BEAN1: variants seen among roughly 807,000 people sequenced by gnomAD.
BEAN1 encodes protein BEAN1.
Under a neutral mutation model 17.7 loss-of-function variants are expected in BEAN1, and 17 were observed. The ratio of observed to expected loss-of-function variants is 0.96; its 90% confidence interval spans 0.66 to 1.44. BEAN1 has a LOEUF of 1.44. Among genes scored for constraint, BEAN1 ranks in the 40% most tolerant of loss-of-function variants. The probability of loss-of-function intolerance (pLI) is 0.00; values close to 1 mark genes in which losing one functional copy is unlikely to be tolerated. For missense variants in BEAN1, 359 were observed against 374.1 expected (o/e 0.96, Z 0.33); for synonymous variants, 142 against 151.8 (o/e 0.94, Z 0.47).
chr16:66,492,795 CCT>C (rs1409904807), intron 4 of BEAN1, among the ~76,000 whole-genome samples: 2 of 152,106 alleles, frequency 1.3e-5, no homozygotes, highest in African/African-American at 4.8e-5. Flanking sequence ...TCAGTGTACC[CCT>C]GATCATGGGC....
chr16:66,450,220 T>C (rs1843709367), intron 2 of BEAN1, among the ~76,000 whole-genome samples: 1 of 152,236 alleles, frequency 6.6e-6, no homozygotes, highest in South Asian at 2.1e-4. Flanking sequence ...GATTGTCTTA[T>C]TACGAGAGCC....
rs764375238 is a variant in BEAN1 at position 66,455,449 on chromosome 16, C to T, written c.26-14153C>T. On this transcript the variant is annotated intron_variant, in intron 2 of 4. Coordinates refer to ENST00000536005, the MANE Select transcript of BEAN1 (RefSeq NM_001178020.3). The stretch of plus-strand genomic sequence containing the variant: ...CAGAGAGCCAAAGAAGGAATGATTT[C>T]CTTTCCTTTTGAAGTTGAGCTACAG... Among the ~76,000 whole-genome samples, 17 of 152,194 alleles carry T rather than the reference C, an allele frequency of 1.1e-4. 1 individual carries two copies. The highest frequency in any genetic ancestry group is 1.9e-4 in the Non-Finnish European group (13 of 68,036).
intron 2 of BEAN1, among the ~76,000 whole-genome samples, chr16:66,458,339 C>T (rs1348883480): frequency 6.6e-6 from 1 of 152,130 alleles, no homozygotes; most frequent in East Asian, 1.9e-4. Flanking sequence ...CTTAATGTTC[C>T]CCAGGTTCCC....
chr16:66,477,401 G>A (rs1045150144), intron 3 of BEAN1, among the ~76,000 whole-genome samples, 159 bp from the exon 4 acceptor site: 1 of 152,194 alleles, frequency 6.6e-6, no homozygotes, highest in African/African-American at 2.4e-5. Context: ...CCCACATTCT[G>A]GAGCTGTCAC....
At chr16:66,437,522 G>T in intron 1 of BEAN1, 73 bp from the exon 2 acceptor site, 1 of 857,864 alleles carries the variant, frequency 1.2e-6, no homozygotes. Flanking sequence ...CTCAGGAGAT[G>T]TGAGCGCCCA....
At chr16:66,486,465 G>A (rs1964090727), downstream of BEAN1, among the ~76,000 whole-genome samples, 1 of 152,160 alleles carries the variant, frequency 6.6e-6, no homozygotes, top group South Asian at 2.1e-4. Flanking sequence ...ATGTTGGCCA[G>A]GCTGGTCTTG....
chr16:66,447,799 C>G (rs565996737), intron 2 of BEAN1, among the ~76,000 whole-genome samples: 1 of 152,342 alleles, frequency 6.6e-6, no homozygotes, highest in East Asian at 1.9e-4. Flanking sequence ...CCCTAACTGT[C>G]TCACACTACA....
At chr16:66,474,591 AGGGAGGGAGGGAGAG>A in intron 3 of BEAN1, among the ~76,000 whole-genome samples, 3 of 14,730 alleles carry the variant, frequency 2.0e-4, no homozygotes, top group African/African-American at 9.9e-4. Context: ...AGAGGGAGGG[AGGGAGGGAGGGAGAG>A]AGGGAGGGAG....
chr16:66,453,264 A>G (rs1205602925), intron 2 of BEAN1, among the ~76,000 whole-genome samples: 1 of 152,018 alleles, frequency 6.6e-6, no homozygotes, highest in Non-Finnish European at 1.5e-5. Flanking sequence ...ATTTAAAGCT[A>G]TGAATTTCCC....
chr16:66,493,374 T>C (rs763515994), exon 5 of BEAN1: 3 of 655,930 alleles, frequency 4.6e-6, no homozygotes, highest in Non-Finnish European at 5.5e-6. Flanking sequence ...TCTCTGCCCA[T>C]GGCTCTGAGC....
chr16:66,447,111 A>G (rs757033094), intron 2 of BEAN1, among the ~76,000 whole-genome samples: 64 of 152,128 alleles, frequency 4.2e-4, no homozygotes, highest in Non-Finnish European at 7.1e-4. Flanking sequence ...CTCTACAAAA[A>G]ATTTAAAGAT....
At chr16:66,461,735 C>T (rs1963095117) in intron 2 of BEAN1, among the ~76,000 whole-genome samples, 2 of 152,212 alleles carry the variant, frequency 1.3e-5, no homozygotes, top group South Asian at 4.1e-4. Flanking sequence ...GGTCAGAAGA[C>T]ATTCCAGAGC....
intron 2 of BEAN1, among the ~76,000 whole-genome samples, chr16:66,453,144 C>T (rs1316318149): frequency 6.6e-6 from 1 of 151,972 alleles, no homozygotes; most frequent in Non-Finnish European, 1.5e-5. Flanking sequence ...TATTTCCTTC[C>T]TCTACTTGCT....
rs143061241 is a variant in BEAN1, at chr16:66,493,353, C to A, written c.539C>A (p.Ala180Asp). 1.5e-3 allele frequency: 1,003 copies of A among 671,800 alleles called. 9 individuals carry two copies. Among genetic ancestry groups the A allele is most frequent in the African/African-American group, 0.015 (837 of 56,644 alleles). 41.6% of individuals were successfully genotyped at this position (671,800 alleles called of 1,614,324 possible). A position where few individuals can be genotyped will look rare whatever the true frequency, so the allele number is the denominator to read the frequency against. Residue 180 changes from alanine (A) to aspartate (D), a missense_variant, in exon 5 of 5, where the codon GCT (alanine) becomes GAT (aspartate). Physicochemically the swap from Ala to Asp is moderately radical, Grantham distance 126 (BLOSUM62 -2). Coordinates refer to the BEAN1 transcript ENST00000561796. Reference sequence around the variant, plus strand: ...GAGACGGCCCTGGCAGAGGGCACTGCTGGCCAGAGATCTCTGCCCATGGCT... The same window carrying A: ...GAGACGGCCCTGGCAGAGGGCACTGATGGCCAGAGATCTCTGCCCATGGCT...
rs1187350064 is a variant in BEAN1 at position 66,477,565 on chromosome 16, G to C, written c.295G>C (p.Asp99His). The change falls in exon 4 of 5, where the codon GAC becomes CAC. Residue 99 changes from aspartate to histidine, a missense_variant. Coordinates refer to ENST00000536005, the MANE Select transcript of BEAN1 (RefSeq NM_001178020.3). Reference protein sequence around the residue: ...HREYEHGYVSDEHTYSRSSRR... With the variant: ...HREYEHGYVSHEHTYSRSSRR... ...CGGTGGTCTGTTCCCTGCAGTGTCG[G>C]ACGAGCACACATACAGCCGCTCAAG... The C allele has an allele frequency of 9.7e-6, 15 of 1,543,444 alleles. No homozygotes were observed. Among genetic ancestry groups the C allele is most frequent in the Non-Finnish European group, 1.7e-6 (2 of 1,144,528 alleles).
chr16:66,470,412 T>C (rs2142435007), intron 3 of BEAN1, among the ~76,000 whole-genome samples: 1 of 151,194 alleles, frequency 6.6e-6, no homozygotes, highest in East Asian at 2.0e-4. Flanking sequence ...AAAGGATGGA[T>C]GAATGAGAAA....
intron 1 of BEAN1, among the ~76,000 whole-genome samples, chr16:66,433,809 T>C (rs1295990710): frequency 1.3e-5 from 2 of 152,330 alleles, no homozygotes; most frequent in East Asian, 3.9e-4. Flanking sequence ...AGCCTATCTC[T>C]GTCTGCCGCC....
At chr16:66,480,460 C>T (rs1963941789) in intron 4 of BEAN1, 126 bp from the exon 5 acceptor site, 4 of 707,286 alleles carry the variant, frequency 5.7e-6, no homozygotes, top group South Asian at 2.0e-5. Flanking sequence ...TTGGAGCCAG[C>T]GTGGACAAGG....
downstream of BEAN1, among the ~76,000 whole-genome samples, chr16:66,494,441 G>C (rs899242572): frequency 4.6e-5 from 7 of 152,158 alleles, no homozygotes; most frequent in African/African-American, 1.2e-4. Context: ...GAGTTAGTGA[G>C]GTGAGGTGTG....
Sources: allele counts gnomAD v4.1 joint callset (sites outside exome capture counted in the v4.1 genomes callset), GRCh38; gene constraint gnomAD v4.1.1; transcripts MANE v1.5; gene names NCBI Gene and HGNC (gene_info 2026-07-23, HGNC 2026-07-21).